Variants in HS3ST3A1 observed in about 807,000 individuals in gnomAD.
HS3ST3A1 encodes heparan sulfate glucosamine 3-O-sulfotransferase 3A1.
Under a neutral mutation model 25.7 loss-of-function variants are expected in HS3ST3A1, and 19 were observed. The ratio of observed to expected loss-of-function variants is 0.74; its 90% CI spans 0.52 to 1.08. The LOEUF (loss-of-function observed/expected upper bound fraction) is 1.08. HS3ST3A1 is among the 50% of genes least tolerant of loss of function. The pLI, the probability that HS3ST3A1 is intolerant of heterozygous loss-of-function variation, is 0.00. For synonymous variants in HS3ST3A1, 226 were observed against 278.6 expected, an observed-to-expected ratio of 0.81 and a Z score of 1.88; for missense variants, 459 against 594.3, an observed-to-expected ratio of 0.77 and a Z score of 2.37.
intron 1 of HS3ST3A1, among the ~76,000 whole-genome samples, chr17:13,588,199 G>T (rs1908327222): frequency 6.6e-6 from 1 of 151,866 alleles, no homozygotes; most frequent in Non-Finnish European, 1.5e-5. Context: ...TATACAAGCA[G>T]AATTGAGTGG....
chr17:13,498,685 G>A (rs1264300125), intron 1 of HS3ST3A1, among the ~76,000 whole-genome samples: 1 of 152,186 alleles, frequency 6.6e-6, no homozygotes, highest in Non-Finnish European at 1.5e-5. Flanking sequence ...CCCAAACTGG[G>A]TCTATTTGGG....
chr17:13,560,281 C>G (rs1422910861), intron 1 of HS3ST3A1, among the ~76,000 whole-genome samples: 2 of 31,810 alleles, frequency 6.3e-5, no homozygotes. Context: ...CAGAGGGACA[C>G]TCGTCTCCAA....
chr17:13,526,828 A>G (rs991670350), intron 1 of HS3ST3A1, among the ~76,000 whole-genome samples: 1 of 150,824 alleles, frequency 6.6e-6, no homozygotes, highest in African/African-American at 2.4e-5. Context: ...TTTTTTTTGT[A>G]TTTTTAGTAG....
chr17:13,552,762 C>T (rs1446924315), intron 1 of HS3ST3A1, among the ~76,000 whole-genome samples: 1 of 152,136 alleles, frequency 6.6e-6, no homozygotes, highest in Non-Finnish European at 1.5e-5. Flanking sequence ...AGACCTTTCC[C>T]AATTCAGCAT....
intron 1 of HS3ST3A1, among the ~76,000 whole-genome samples, chr17:13,543,274 G>T (rs1184047534): frequency 6.6e-6 from 1 of 152,146 alleles, no homozygotes; most frequent in African/African-American, 2.4e-5. Context: ...TTGTGAGACT[G>T]AGCCCTTAAC....
chr17:13,522,037 C>T (rs577073262), intron 1 of HS3ST3A1, among the ~76,000 whole-genome samples: 1 of 152,270 alleles, frequency 6.6e-6, no homozygotes, highest in Admixed American at 6.5e-5. Flanking sequence ...GGGGGCAAAA[C>T]TGTCCTCTGA....
chr17:13,558,208 G>A (rs771934646), intron 1 of HS3ST3A1, among the ~76,000 whole-genome samples: 5 of 152,312 alleles, frequency 3.3e-5, no homozygotes, highest in Non-Finnish European at 5.9e-5. Flanking sequence ...GAGCCCAGGA[G>A]TTAGAGACTT....
chr17:13,545,850 C>T (rs1238908321), intron 1 of HS3ST3A1, among the ~76,000 whole-genome samples: 1 of 151,976 alleles, frequency 6.6e-6, no homozygotes, highest in Non-Finnish European at 1.5e-5. Context: ...TGGTGCGCAC[C>T]TATAGAGTCC....
chr17:13,600,575 G>T lies in HS3ST3A1; in HGVS notation c.555C>A (p.Pro185=). 1 of 1,602,056 alleles carries T rather than the reference G, an allele frequency of 6.2e-7. No individual in the cohort carries two copies. ...HPDVRAVGAE[P]HFFDRSYDKG... ...TGTCGTAGCTGCGGTCGAAGAAGTGGGGCTCGGCGCCCACGGCGCGCACGT... is the reference window on the plus strand; with the variant it reads ...TGTCGTAGCTGCGGTCGAAGAAGTGTGGCTCGGCGCCCACGGCGCGCACGT... Residue 185 remains proline (P), a synonymous_variant, in exon 1 of 2, where the codon CCC becomes CCA. Coordinates refer to ENST00000284110, the MANE Select transcript of HS3ST3A1 (RefSeq NM_006042.3).
intron 1 of HS3ST3A1, among the ~76,000 whole-genome samples, chr17:13,546,623 T>G (rs1365325793): frequency 6.6e-6 from 1 of 152,240 alleles, no homozygotes; most frequent in Non-Finnish European, 1.5e-5. Context: ...CTGATTTCCC[T>G]ATGGAAATGG....
chr17:13,598,752 G>T (rs976182355), intron 1 of HS3ST3A1, among the ~76,000 whole-genome samples: 13 of 151,754 alleles, frequency 8.6e-5, no homozygotes, highest in Non-Finnish European at 1.3e-4. Context: ...GCTCAGAAAG[G>T]TCCATGGAAA....
chr17:13,499,422 C>G (rs1025105207), intron 1 of HS3ST3A1, among the ~76,000 whole-genome samples: 1 of 152,206 alleles, frequency 6.6e-6, no homozygotes, highest in African/African-American at 2.4e-5. Context: ...ATCAACTACA[C>G]TGAAGTGATA....
intron 1 of HS3ST3A1, among the ~76,000 whole-genome samples, chr17:13,560,015 C>T (rs369948187): frequency 2.6e-5 from 4 of 151,466 alleles, no homozygotes; most frequent in South Asian, 4.2e-4. Flanking sequence ...ATTGGCCGGG[C>T]GTGGTGGTTC....
chr17:13,586,413 C>G (rs12600532), intron 1 of HS3ST3A1, among the ~76,000 whole-genome samples: 96,444 of 150,866 alleles, frequency 0.64, 32,398 homozygotes, highest in East Asian at 0.92. Context: ...CAGAGGGGGT[C>G]TGTGAAATCA....
intron 1 of HS3ST3A1, among the ~76,000 whole-genome samples, chr17:13,514,890 A>G (rs1906001371): frequency 6.6e-6 from 1 of 152,238 alleles, no homozygotes; most frequent in Non-Finnish European, 1.5e-5. Flanking sequence ...ATAAAACAAA[A>G]TAAGAATTTT....
intron 1 of HS3ST3A1, among the ~76,000 whole-genome samples, chr17:13,598,310 A>T (rs1426470478): frequency 6.6e-6 from 1 of 151,974 alleles, no homozygotes; most frequent in East Asian, 1.9e-4. Context: ...CAAACATCAA[A>T]CTCCAAGTTC....
At chr17:13,542,789 A>C (rs1203603283) in intron 1 of HS3ST3A1, among the ~76,000 whole-genome samples, 2 of 152,132 alleles carry the variant, frequency 1.3e-5, no homozygotes, top group Admixed American at 6.5e-5. Flanking sequence ...GATGGTTGCC[A>C]GGGGAATGTT....
intron 1 of HS3ST3A1, among the ~76,000 whole-genome samples, chr17:13,514,906 G>A (rs756335345): frequency 3.3e-5 from 5 of 151,950 alleles, no homozygotes; most frequent in African/African-American, 7.3e-5. Context: ...ATTTTACTGA[G>A]GAACATAAAA....
chr17:13,585,187 T>C (rs868220404), intron 1 of HS3ST3A1, among the ~76,000 whole-genome samples: 2 of 25,164 alleles, frequency 7.9e-5, no homozygotes, highest in Non-Finnish European at 1.5e-4. Flanking sequence ...TTTTCTGTGC[T>C]TTTTTTTTTT....
Sources: allele counts gnomAD v4.1 joint callset (sites outside exome capture counted in the v4.1 genomes callset), GRCh38; gene constraint gnomAD v4.1.1; transcripts MANE v1.5; gene names NCBI Gene and HGNC (gene_info 2026-07-23, HGNC 2026-07-21).